LMAN1L: variants seen among roughly 807,000 people sequenced by gnomAD.
LMAN1L encodes the protein protein ERGIC-53-like.
In LMAN1L, 60 loss-of-function variants were observed where a neutral mutation model predicts 58.3. The ratio of observed to expected loss-of-function variants is 1.03; its 90% CI spans 0.84 to 1.27. The LOEUF (loss-of-function observed/expected upper bound fraction) is 1.27, where lower values mean the gene tolerates loss of function less well. Ranked by LOEUF, LMAN1L falls within the 50% of genes most tolerant of loss-of-function variation. The probability of loss-of-function intolerance (pLI) is 0.00; values close to 1 mark genes in which losing one functional copy is unlikely to be tolerated. For missense variants in LMAN1L, 629 were observed against 674.0 expected (o/e 0.93, Z 0.74); for synonymous variants, 280 against 271.6 (o/e 1.03, Z -0.31).
At position 74,818,825 on chromosome 15, in the gene LMAN1L, A is replaced by C. The variant is rs1403148365; in HGVS notation, c.597+8A>C. ...TGGGGGCAGAGGCTGCGCGTGAGTCACCCTTCCTGCTTCTGACAGGGCTCT... is the reference window on the plus strand; with the variant it reads ...TGGGGGCAGAGGCTGCGCGTGAGTCCCCCTTCCTGCTTCTGACAGGGCTCT... On this transcript the variant is annotated splice_region_variant and intron_variant, in intron 5 of 13. Transcript: ENST00000309664. 5 of 1,599,146 alleles carry C rather than the reference A, an allele frequency of 3.1e-6. No homozygotes were observed. In the Admixed American group the frequency reaches 5.2e-5, roughly 17 times the overall value.
Position 74,816,170 on chromosome 15 carries a change from C to G in LMAN1L, c.189C>G (p.Gly63=). The part of the protein sequence containing the change: ...FWSHHGDAIL[G]LEEVRLTPSM... ...CCTTGTCCACAGACGCCATCCTGGG[C>G]CTGGAGGAAGTGCGGCTGACGCCAT... The change falls in exon 2 of 14, where the codon GGC becomes GGG. Residue 63 remains glycine, a synonymous_variant. Transcript: ENST00000309664. 6.4e-7 allele frequency: 1 copy of G among 1,550,606 alleles called. No individual in the cohort carries two copies. The highest frequency in any genetic ancestry group is 8.7e-7 in the Non-Finnish European group (1 of 1,147,844).
At chr15:74,824,111 C>T (rs2063930132) in intron 12 of LMAN1L, 1 of 579,644 alleles carries the variant, frequency 1.7e-6, no homozygotes, top group African/African-American at 1.9e-5. Context: ...CTCTTGAACC[C>T]TGGGCCCCTT....
rs201593005 is a variant in LMAN1L, at chr15:74,821,117, G to A, written c.950G>A (p.Arg317His). 115 of 1,568,722 alleles carry A rather than the reference G, an allele frequency of 7.3e-5. No individual in the cohort carries two copies. Among genetic ancestry groups the A allele is most frequent in the South Asian group, 7.0e-4 (60 of 85,372 alleles). Residue 317 changes from arginine (R) to histidine (H), a missense_variant, in exon 9 of 14, where the codon CGC (arginine) becomes CAC (histidine). Coordinates refer to ENST00000309664, the MANE Select transcript of LMAN1L (RefSeq NM_021819.3). ...FDLEETLGRH[R>H]RILQALRGLS... ...CTGGAGGAGACGCTGGGCAGACACC[G>A]CCGGATCCTGCAGGCTCTGCGGGGT...
chr15:74,824,211 C>G, intron 12 of LMAN1L, 140 bp from the exon 13 acceptor site: 1 of 764,168 alleles, frequency 1.3e-6, no homozygotes, highest in South Asian at 1.7e-5. Flanking sequence ...ACACTGCCCC[C>G]TCTCCAAGTT....
chr15:74,819,529 C>A, intron 6 of LMAN1L: 2 of 522,762 alleles, frequency 3.8e-6, no homozygotes, highest in South Asian at 3.6e-5. Flanking sequence ...AGACAGACAG[C>A]AAAGAGGGGC....
rs781652776 is a variant in LMAN1L, at chr15:74,814,366, G to GTTTT, written c.175+1339_175+1342dup. Reference sequence around the variant, plus strand: ...GTGCCACCACACGCAGCTAATTTTTGTTTTTGTTTTTGTTTTTTTTTTTTT... The same window carrying GTTTT: ...GTGCCACCACACGCAGCTAATTTTTGTTTTTTTTTGTTTTTGTTTTTTTTTTTTT... On this transcript the variant is annotated intron_variant, in intron 1 of 13. Transcript: ENST00000309664. Among the ~76,000 whole-genome samples, 214 of 71,352 alleles carry GTTTT rather than the reference G, an allele frequency of 3.0e-3. 19 individuals carry two copies. Among genetic ancestry groups the GTTTT allele is most frequent in the African/African-American group, 5.7e-3 (140 of 24,488 alleles). 46.8% of individuals were successfully genotyped at this position (71,352 alleles called of 152,430 possible).
chr15:74,816,632 G>T lies in LMAN1L; in HGVS notation c.439G>T (p.Asp147Tyr). The change falls in exon 4 of 14, where the codon GAC becomes TAC. Residue 147 changes from aspartate to tyrosine, a missense_variant and splice_region_variant. By Grantham distance (160) the Asp-to-Tyr change is radical. This residue lies in a region of LMAN1L where 573 missense variants were observed against 597.3 expected (regional missense o/e 0.96). Transcript: ENST00000309664. The stretch of plus-strand genomic sequence containing the variant: ...CAGGCTGCTTCTCACCTCCCTGCAG[G>T]ACAGTCCTGCCATCCGTGTGCTGGC... The part of the protein sequence containing the change: ...FFDSPAEDTQ[D>Y]SPAIRVLASD... 1.9e-6 allele frequency: 3 copies of T among 1,613,566 alleles called. No homozygotes were observed. The highest frequency in any genetic ancestry group is 2.5e-6 in the Non-Finnish European group (3 of 1,179,760).
Position 74,818,727 on chromosome 15 carries a change from T to TAGC in LMAN1L, c.508_510dup (p.Ser170dup). 3.7e-6 allele frequency: 6 copies of TAGC among 1,608,048 alleles called. No individual in the cohort carries two copies. The highest frequency in any genetic ancestry group is 5.1e-6 in the Non-Finnish European group (6 of 1,177,474). On this transcript the variant is annotated inframe_insertion, in exon 5 of 14. Coordinates refer to ENST00000309664, the MANE Select transcript of LMAN1L (RefSeq NM_021819.3). ...AACAAACTGCCCACAGGGATGGAGCTAGCCAAGGGCTGGGCTCCTGTCATT... is the reference window on the plus strand; with the variant it reads ...AACAAACTGCCCACAGGGATGGAGCTAGCAGCCAAGGGCTGGGCTCCTGTCATT...
At chr15:74,813,263 C>T (rs759188678) in intron 1 of LMAN1L, 2 of 648,234 alleles carry the variant, frequency 3.1e-6, no homozygotes, top group Non-Finnish European at 2.8e-6. Context: ...TTCCCTGCCC[C>T]AGGACTTCTC....
At chr15:74,816,589 C>T (rs1442826210) in intron 3 of LMAN1L, 43 bp from the exon 4 acceptor site, 1 of 1,599,614 alleles carries the variant, frequency 6.3e-7, no homozygotes, top group Non-Finnish European at 8.5e-7. Flanking sequence ...CCCTCCCCCT[C>T]CCGCCATGTC....
intron 4 of LMAN1L, 32 bp from the exon 5 acceptor site, chr15:74,818,686 C>G: frequency 6.5e-7 from 1 of 1,544,554 alleles, no homozygotes; most frequent in Non-Finnish European, 8.8e-7. Context: ...GACTCTTTCT[C>G]AAAAACAAAC....
At chr15:74,814,375 T>TTA in intron 1 of LMAN1L, among the ~76,000 whole-genome samples, 1 of 126,840 alleles carries the variant, frequency 7.9e-6, no homozygotes, top group African/African-American at 2.9e-5. Flanking sequence ...TGTTTTTGTT[T>TTA]TTGTTTTTTT....
Position 74,823,679 on chromosome 15 carries a change from G to A in LMAN1L, c.1320G>A (p.Pro440=), listed in dbSNP as rs762888526. 5.6e-6 allele frequency: 9 copies of A among 1,612,968 alleles called. No homozygotes were observed. Among genetic ancestry groups the A allele is most frequent in the South Asian group, 1.1e-5 (1 of 91,048 alleles). ...LGLLQEELRG[P]AKAAAKAPRP... ...TCCTGCAGGAGGAGCTTCGGGGCCC[G>A]GCGGTGAGGGGAAAGTAGTGGGCAG... The change falls in exon 12 of 14, where the codon CCG becomes CCA. Residue 440 remains proline, a synonymous_variant. Coordinates refer to ENST00000309664, the MANE Select transcript of LMAN1L (RefSeq NM_021819.3).
intron 13 of LMAN1L, chr15:74,825,198 G>T: frequency 3.4e-6 from 1 of 293,160 alleles, no homozygotes; most frequent in Non-Finnish European, 6.5e-6. Context: ...AGTAAAATGA[G>T]CTAAGCTTTA....
rs778067788 is a variant in LMAN1L, at chr15:74,819,109, G to A, written c.598-43G>A. On this transcript the variant is annotated intron_variant, in intron 5 of 13. Coordinates refer to ENST00000309664, the MANE Select transcript of LMAN1L (RefSeq NM_021819.3). Reference sequence around the variant, plus strand: ...GGCCAGGGGAGCCAGGGAGTCAGAGGTAGGGACACCCCCCCACTGCTCACT... The same window carrying A: ...GGCCAGGGGAGCCAGGGAGTCAGAGATAGGGACACCCCCCCACTGCTCACT... 4.5e-6 allele frequency: 7 copies of A among 1,565,234 alleles called. 1 individual carries two copies. The African/African-American group carries it at 8.2e-5, about 18-fold the overall frequency.
At chr15:74,821,688 G>A in intron 9 of LMAN1L, 141 bp from the exon 10 acceptor site, 1 of 628,130 alleles carries the variant, frequency 1.6e-6, no homozygotes, top group Non-Finnish European at 2.8e-6. Context: ...GAGGAGGCCA[G>A]CAGCTCTTGT....
chr15:74,816,744 C>A, intron 4 of LMAN1L, 54 bp downstream of exon 4: 1 of 1,517,378 alleles, frequency 6.6e-7, no homozygotes, highest in Non-Finnish European at 9.0e-7. Flanking sequence ...TGGGAGGGGC[C>A]CATCCCCCCC....
At chr15:74,817,905 C>T (rs1312545973) in intron 4 of LMAN1L, among the ~76,000 whole-genome samples, 3 of 150,798 alleles carry the variant, frequency 2.0e-5, no homozygotes, top group Non-Finnish European at 3.0e-5. Context: ...CCCAGCTACT[C>T]GGGAGGCTGA....
chr15:74,825,240 C>A (rs1385611352), intron 13 of LMAN1L: 1 of 438,790 alleles, frequency 2.3e-6, no homozygotes, highest in East Asian at 3.5e-5. Flanking sequence ...TCACAGGCTT[C>A]AGCACATGCA....
Sources: gnomAD v4.1 joint callset for allele counts (sites outside exome capture counted in the v4.1 genomes callset) on GRCh38, gnomAD v4.1.1 for gene constraint, gnomAD v4.1.1 regional missense constraint, MANE v1.5 for transcripts, NCBI Gene and HGNC (gene_info 2026-07-23, HGNC 2026-07-21) for gene names.